The following APBA2 variants were observed in gnomAD, a reference collection of about 807,000 sequenced individuals.
The protein encoded by APBA2 is amyloid beta precursor protein binding family A member 2.
Under a neutral mutation model 75.0 loss-of-function variants are expected in APBA2, and 30 were observed. The observed-to-expected ratio is 0.40, with a 90% CI of 0.30 to 0.54. APBA2 has a LOEUF of 0.54. Ranked by LOEUF, APBA2 falls within the 20% of genes least tolerant of loss-of-function variation. The pLI, the probability that APBA2 is intolerant of heterozygous loss-of-function variation, is 0.49. For synonymous variants in APBA2, 444 were observed against 409.6 expected, an observed-to-expected ratio of 1.08 and a Z score of -1.01; for missense variants, 801 against 1,016.1, an observed-to-expected ratio of 0.79 and a Z score of 2.88.
Position 28,922,483 on chromosome 15 carries a change from A to G in APBA2, c.-95+734A>G, listed in dbSNP as rs991483315. On this transcript the variant is annotated intron_variant, in intron 2 of 14. Coordinates refer to ENST00000683413, the MANE Select transcript of APBA2 (RefSeq NM_001353788.2). ...CAGCCCCTCCTGCAGAGGTGGGAGC[A>G]TCTTCTACAGCCAGCCATTGTCCCG... Among the ~76,000 whole-genome samples the G allele has an allele frequency of 2.6e-5, 4 of 152,262 alleles. No homozygotes were observed. The East Asian group carries it at 7.7e-4, about 29-fold the overall frequency.
At chr15:29,098,711 C>G in intron 9 of APBA2, 135 bp downstream of exon 9, 1 of 792,880 alleles carries the variant, frequency 1.3e-6, no homozygotes, top group Non-Finnish European at 2.1e-6. Flanking sequence ...GGCCCATAGC[C>G]CGGGCTGCGG....
At chr15:28,971,355 A>G (rs1409552498) in intron 2 of APBA2, among the ~76,000 whole-genome samples, 1 of 152,174 alleles carries the variant, frequency 6.6e-6, no homozygotes, top group African/African-American at 2.4e-5. Context: ...TTATAGCACA[A>G]CTAGGGGACA....
chr15:29,109,165 G>A (rs1309997544), intron 13 of APBA2, among the ~76,000 whole-genome samples: 1 of 152,178 alleles, frequency 6.6e-6, no homozygotes, highest in Non-Finnish European at 1.5e-5. Context: ...TGGGAGTTTT[G>A]TGGAGGTGAT....
chr15:29,107,118 G>T (rs1567022426), intron 12 of APBA2, among the ~76,000 whole-genome samples: 3 of 152,198 alleles, frequency 2.0e-5, no homozygotes, highest in Admixed American at 2.0e-4. Flanking sequence ...TGAGTATAGG[G>T]TGACCAGCTT....
At chr15:29,027,675 T>C (rs2040289000) in intron 3 of APBA2, among the ~76,000 whole-genome samples, 1 of 152,012 alleles carries the variant, frequency 6.6e-6, no homozygotes, top group Non-Finnish European at 1.5e-5. Context: ...TGATCTCAGC[T>C]CACTGCAGCC....
At chr15:28,902,959 A>T (rs1457886272) in intron 1 of APBA2, among the ~76,000 whole-genome samples, 1 of 152,148 alleles carries the variant, frequency 6.6e-6, no homozygotes, top group Non-Finnish European at 1.5e-5. Context: ...CTTGAAAATG[A>T]CCGGTTTCTC....
At chr15:29,114,439 G>C (rs910831768) in intron 14 of APBA2, among the ~76,000 whole-genome samples, 1 of 152,166 alleles carries the variant, frequency 6.6e-6, no homozygotes, top group Admixed American at 6.5e-5. Flanking sequence ...TCGCTTCCAC[G>C]GCAGTGTGAG....
At chr15:29,089,712 T>C (rs1266041479) in intron 6 of APBA2, among the ~76,000 whole-genome samples, 1 of 152,234 alleles carries the variant, frequency 6.6e-6, no homozygotes, top group Non-Finnish European at 1.5e-5. Flanking sequence ...AGGCTTCCTC[T>C]GGCAGGGGAG....
chr15:29,092,528 C>T (rs762207004), intron 6 of APBA2, among the ~76,000 whole-genome samples: 2 of 152,036 alleles, frequency 1.3e-5, no homozygotes, highest in African/African-American at 2.4e-5. Context: ...TGTTGGGTCA[C>T]GATGGTCTAG....
intron 2 of APBA2, among the ~76,000 whole-genome samples, chr15:28,990,955 G>A (rs1267140292): frequency 6.6e-6 from 1 of 152,146 alleles, no homozygotes; most frequent in Non-Finnish European, 1.5e-5. Flanking sequence ...AATCCAGTTT[G>A]TTCTCAAAAC....
intron 13 of APBA2, among the ~76,000 whole-genome samples, chr15:29,113,258 C>T (rs568570228): frequency 3.9e-4 from 59 of 152,228 alleles, no homozygotes; most frequent in Admixed American, 7.9e-4. Flanking sequence ...AAGCCCCCAC[C>T]GCTGCACTCC....
intron 2 of APBA2, among the ~76,000 whole-genome samples, chr15:28,952,170 G>A (rs16954796): frequency 0.023 from 3,450 of 152,082 alleles, 121 homozygotes; most frequent in African/African-American, 0.079. Context: ...TAGTAGAAAG[G>A]AAAACTTGGA....
chr15:29,066,080 G>A (rs1323826313), intron 4 of APBA2, among the ~76,000 whole-genome samples: 1 of 152,184 alleles, frequency 6.6e-6, no homozygotes, highest in African/African-American at 2.4e-5. Flanking sequence ...GGTGGCCTCT[G>A]ATTCTGCTTC....
intron 4 of APBA2, among the ~76,000 whole-genome samples, chr15:29,062,844 C>T (rs1170821302): frequency 6.6e-6 from 1 of 152,182 alleles, no homozygotes; most frequent in African/African-American, 2.4e-5. Flanking sequence ...CAGCTTGGGG[C>T]CCGGGAACAT....
chr15:28,915,156 C>T (rs2033621671), intron 1 of APBA2, among the ~76,000 whole-genome samples: 1 of 62 alleles, frequency 0.016, no homozygotes, highest in Non-Finnish European at 0.036. Context: ...CATACCCATA[C>T]ACACCACACA....
intron 1 of APBA2, among the ~76,000 whole-genome samples, chr15:28,907,771 C>G (rs1229002988): frequency 6.6e-6 from 1 of 152,182 alleles, no homozygotes; most frequent in Non-Finnish European, 1.5e-5. Flanking sequence ...CTGAGCCACT[C>G]TGTGTGATGC....
chr15:28,952,981 A>G (rs953467859), intron 2 of APBA2, among the ~76,000 whole-genome samples: 2 of 152,206 alleles, frequency 1.3e-5, no homozygotes, highest in African/African-American at 4.8e-5. Flanking sequence ...ATAAATGTCA[A>G]GATTCATCAG....
intron 1 of APBA2, among the ~76,000 whole-genome samples, chr15:28,916,106 C>G (rs1311206175): frequency 6.6e-6 from 1 of 152,250 alleles, no homozygotes; most frequent in Non-Finnish European, 1.5e-5. Flanking sequence ...CCGGCACATT[C>G]CCTGGTCCTG....
intron 4 of APBA2, among the ~76,000 whole-genome samples, chr15:29,065,100 G>C (rs992185559): frequency 2.0e-5 from 3 of 152,128 alleles, no homozygotes; most frequent in Admixed American, 6.5e-5. Flanking sequence ...GGCAGATTGT[G>C]GGGAGTGAGA....
Sources: gnomAD v4.1 joint callset for allele counts (sites outside exome capture counted in the v4.1 genomes callset) on GRCh38, gnomAD v4.1.1 for gene constraint, MANE v1.5 for transcripts, NCBI Gene and HGNC (gene_info 2026-07-23, HGNC 2026-07-21) for gene names.